PTPRR: variants seen among roughly 807,000 people sequenced by gnomAD.
The protein encoded by PTPRR is receptor-type tyrosine-protein phosphatase R.
In PTPRR, 38 loss-of-function variants were observed where a neutral mutation model predicts 77.2. The observed-to-expected ratio is 0.49, with a 90% confidence interval of 0.38 to 0.65. PTPRR has a LOEUF of 0.65. PTPRR is among the 30% of genes least tolerant of loss of function. The probability of loss-of-function intolerance (pLI) is 0.00; values close to 1 mark genes in which losing one functional copy is unlikely to be tolerated. For missense variants in PTPRR, 744 were observed against 799.2 expected (o/e 0.93, Z 0.83); for synonymous variants, 299 against 283.1 (o/e 1.06, Z -0.57).
intron 13 of PTPRR, among the ~76,000 whole-genome samples, chr12:70,647,631 G>A (rs1369003021): frequency 6.6e-6 from 1 of 152,224 alleles, no homozygotes; most frequent in Non-Finnish European, 1.5e-5. Context: ...TTTTAACTAG[G>A]TGGTATAGTT....
chr12:70,861,558 T>C (rs1448774546), intron 2 of PTPRR, among the ~76,000 whole-genome samples: 1 of 152,124 alleles, frequency 6.6e-6, no homozygotes, highest in Admixed American at 6.6e-5. Context: ...CTTATGGAGA[T>C]TTAATTCCAA....
chr12:70,669,297 T>C (rs866862887), intron 10 of PTPRR, among the ~76,000 whole-genome samples: 1 of 151,984 alleles, frequency 6.6e-6, no homozygotes, highest in Non-Finnish European at 1.5e-5. Context: ...AGGTTAAAGA[T>C]GAAACTGATA....
intron 2 of PTPRR, among the ~76,000 whole-genome samples, chr12:70,809,353 T>C (rs1307903202): frequency 6.6e-6 from 1 of 152,176 alleles, no homozygotes; most frequent in Non-Finnish European, 1.5e-5. Context: ...CTACTCAGGA[T>C]TGCTCATGTG....
chr12:70,705,358 C>G (rs762533410), intron 6 of PTPRR, among the ~76,000 whole-genome samples: 1 of 152,018 alleles, frequency 6.6e-6, no homozygotes, highest in Non-Finnish European at 1.5e-5. Context: ...ATTTTAGAAG[C>G]TGAATTTAGG....
chr12:70,712,871 CCTCT>C (rs1565660698), intron 6 of PTPRR, among the ~76,000 whole-genome samples: 1 of 149,916 alleles, frequency 6.7e-6, no homozygotes, highest in African/African-American at 2.5e-5. Flanking sequence ...TATACTCCCT[CCTCT>C]TTTTTATTGA....
chr12:70,834,163 C>T (rs1292171462), intron 2 of PTPRR, among the ~76,000 whole-genome samples: 1 of 152,152 alleles, frequency 6.6e-6, no homozygotes, highest in Non-Finnish European at 1.5e-5. Flanking sequence ...AACCATACAG[C>T]ATTTCTGAAA....
chr12:70,650,808 T>A (rs6581951), intron 13 of PTPRR, among the ~76,000 whole-genome samples: 37,710 of 151,958 alleles, frequency 0.25, 6,768 homozygotes, highest in African/African-American at 0.5. Flanking sequence ...TAATAGCAAA[T>A]ACCCCAATTA....
intron 1 of PTPRR, among the ~76,000 whole-genome samples, chr12:70,905,558 A>G (rs1230203898): frequency 3.3e-5 from 5 of 151,992 alleles, no homozygotes; most frequent in Admixed American, 6.6e-5. Context: ...ATAAAATTGC[A>G]CAGTTGAAAT....
intron 6 of PTPRR, among the ~76,000 whole-genome samples, chr12:70,730,737 C>T (rs1029797142): frequency 8.6e-5 from 13 of 151,590 alleles, no homozygotes; most frequent in Admixed American, 2.6e-4. Flanking sequence ...GGCGAGTGGA[C>T]TACTTGAGCC....
chr12:70,834,036 C>CAT (rs977706466), intron 2 of PTPRR, among the ~76,000 whole-genome samples: 4 of 152,076 alleles, frequency 2.6e-5, no homozygotes, highest in Admixed American at 2.6e-4. Context: ...TGCGTTTTGC[C>CAT]ATAGATAACA....
At chr12:70,703,169 T>C (rs1888495232) in intron 6 of PTPRR, among the ~76,000 whole-genome samples, 1 of 152,194 alleles carries the variant, frequency 6.6e-6, no homozygotes, top group African/African-American at 2.4e-5. Flanking sequence ...TTGAAGGGAT[T>C]TAGTCATATC....
At chr12:70,853,613 G>A (rs986404821) in intron 2 of PTPRR, among the ~76,000 whole-genome samples, 2 of 152,096 alleles carry the variant, frequency 1.3e-5, no homozygotes, top group African/African-American at 2.4e-5. Context: ...ACATTGGCCT[G>A]ACCGCAAATA....
intron 2 of PTPRR, among the ~76,000 whole-genome samples, chr12:70,865,633 C>A (rs908895400): frequency 6.6e-6 from 1 of 152,176 alleles, no homozygotes; most frequent in Admixed American, 6.5e-5. Flanking sequence ...TTCGTCTGAA[C>A]CCATGTGGAT....
At chr12:70,774,158 T>C (rs897311386) in intron 2 of PTPRR, among the ~76,000 whole-genome samples, 1 of 143,468 alleles carries the variant, frequency 7.0e-6, no homozygotes, top group Admixed American at 6.7e-5. Context: ...GATGGATTCC[T>C]TAGTTTTCTC....
chr12:70,896,609 C>T (rs77917738), intron 1 of PTPRR, among the ~76,000 whole-genome samples: 4,449 of 151,770 alleles, frequency 0.029, 111 homozygotes, highest in Non-Finnish European at 0.047. Flanking sequence ...TAAAAAAACA[C>T]ATTTCTAAAT....
intron 13 of PTPRR, among the ~76,000 whole-genome samples, chr12:70,646,463 AT>A (rs1047307631): frequency 1.3e-5 from 2 of 151,264 alleles, no homozygotes; most frequent in Admixed American, 6.6e-5. Flanking sequence ...TTTGAGTTCC[AT>A]TTTTTTTTCC....
At chr12:70,829,947 A>G (rs1310508363) in intron 2 of PTPRR, among the ~76,000 whole-genome samples, 2 of 152,208 alleles carry the variant, frequency 1.3e-5, no homozygotes, top group African/African-American at 2.4e-5. Context: ...GTTTTACCAA[A>G]TAAGATTGAG....
chr12:70,857,457 G>A (rs1443045507), intron 2 of PTPRR, among the ~76,000 whole-genome samples: 2 of 152,166 alleles, frequency 1.3e-5, no homozygotes, highest in African/African-American at 4.8e-5. Flanking sequence ...AGTAGAGAAT[G>A]AGGATAGACT....
At chr12:70,868,275 C>T (rs1054504267) in intron 2 of PTPRR, among the ~76,000 whole-genome samples, 207 of 151,798 alleles carry the variant, frequency 1.4e-3, no homozygotes, top group African/African-American at 4.5e-3. Flanking sequence ...AAAAAATTTT[C>T]GCAACCTACT....
Sources: gnomAD v4.1 joint callset for allele counts (sites outside exome capture counted in the v4.1 genomes callset) on GRCh38, gnomAD v4.1.1 for gene constraint, MANE v1.5 for transcripts, NCBI Gene and HGNC (gene_info 2026-07-23, HGNC 2026-07-21) for gene names.